The following WTAP variants were observed in gnomAD, a reference collection of about 807,000 sequenced individuals.
WTAP encodes WT1 associated protein.
WTAP carries 8 observed loss-of-function variants against 50.0 expected under a neutral mutation model. The observed-to-expected ratio is 0.16, with a 90% CI of 0.09 to 0.29. WTAP has a LOEUF of 0.29. Ranked by LOEUF, WTAP falls within the 10% of genes least tolerant of loss-of-function variation. WTAP has a pLI of 1.00. For missense variants in WTAP, 295 were observed against 470.7 expected (o/e 0.63, Z 3.45); for synonymous variants, 194 against 169.0 (o/e 1.15, Z -1.15).
chr6:159,737,455 G>C (rs1488976645), intron 2 of WTAP, among the ~76,000 whole-genome samples: 1 of 151,980 alleles, frequency 6.6e-6, no homozygotes, highest in East Asian at 1.9e-4. Context: ...AAAAATTTAA[G>C]TGTCTTGTAA....
chr6:159,730,696 G>T (rs1434090313), intron 1 of WTAP, among the ~76,000 whole-genome samples: 2 of 152,150 alleles, frequency 1.3e-5, no homozygotes, highest in African/African-American at 4.8e-5. Flanking sequence ...AAATACTGAG[G>T]CTCTGAATTT....
intron 3 of WTAP, 61 bp from the exon 4 acceptor site, chr6:159,742,027 T>G (rs535964715): frequency 1.7e-6 from 2 of 1,173,184 alleles, no homozygotes; most frequent in South Asian, 2.7e-5. Context: ...ATAGATATCT[T>G]CTAGTTTATT....
intron 1 of WTAP, among the ~76,000 whole-genome samples, chr6:159,728,114 C>T (rs936124804): frequency 5.9e-5 from 9 of 152,270 alleles, no homozygotes; most frequent in African/African-American, 1.4e-4. Context: ...AACATTCGTT[C>T]CCTACATTTC....
At chr6:159,734,326 G>C (rs536699915) in intron 1 of WTAP, among the ~76,000 whole-genome samples, 1 of 148,604 alleles carries the variant, frequency 6.7e-6, no homozygotes, top group Non-Finnish European at 1.5e-5. Flanking sequence ...AGTAGCTTTC[G>C]AGATGATGCC....
rs996278693 is a variant in WTAP at position 159,742,164 on chromosome 6, C to A, written c.145+18C>A. On this transcript the variant is annotated intron_variant, in intron 4 of 7. Coordinates refer to ENST00000621533, the MANE Select transcript of WTAP (RefSeq NM_001270531.2). ...TCTTAACTGTAAGTTTGAGTTTTAG[C>A]TTCCTAAAGACTGAATAATCTCCTT... 2 of 1,585,110 alleles carry A rather than the reference C, an allele frequency of 1.3e-6. No individual in the cohort carries two copies. The highest frequency in any genetic ancestry group is 2.7e-5 in the African/African-American group (2 of 73,572).
At chr6:159,749,138 A>G in intron 6 of WTAP, 1 of 986,084 alleles carries the variant, frequency 1.0e-6, no homozygotes, top group African/African-American at 1.7e-5. Context: ...AGATAATCTT[A>G]CTGAGGACTG....
At chr6:159,727,258 C>G (rs1305580735), upstream of WTAP, 1 of 1,283,544 alleles carries the variant, frequency 7.8e-7, no homozygotes, top group Non-Finnish European at 1.0e-6. Context: ...CGGCCTCCCT[C>G]CCTTCACCTT....
chr6:159,755,289 C>T lies in WTAP; in HGVS notation c.869C>T (p.Ser290Phe), dbSNP rs1779960043. 6.2e-7 allele frequency: 1 copy of T among 1,614,094 alleles called. No individual in the cohort carries two copies. The highest frequency in any genetic ancestry group is 1.1e-5 in the South Asian group (1 of 91,086). The part of the protein sequence containing the change: ...GSSSRQRTSG[S>F]GFHREGNTTE... ...TCCTCCCGCCAGAGGACGTCTGGGT[C>T]TGGATTTCACAGGGAGGGCAACACA... Residue 290 changes from serine (S) to phenylalanine (F), a missense_variant, in exon 8 of 8, where the codon TCT becomes TTT. Ser to Phe is a radical substitution (Grantham distance 155). Coordinates refer to ENST00000621533, the MANE Select transcript of WTAP (RefSeq NM_001270531.2).
chr6:159,745,825 C>G (rs1779543418), intron 5 of WTAP, among the ~76,000 whole-genome samples: 1 of 152,116 alleles, frequency 6.6e-6, no homozygotes, highest in Admixed American at 6.5e-5. Context: ...AGATGAAATA[C>G]ATGAAGCCAC....
chr6:159,735,758 A>T (rs114957551), intron 1 of WTAP, among the ~76,000 whole-genome samples: 9,393 of 152,176 alleles, frequency 0.062, 582 homozygotes, highest in African/African-American at 0.15. Context: ...CAAAAAAAAT[A>T]AAAATAAAAT....
chr6:159,755,425 G>T lies in WTAP; in HGVS notation c.1005G>T (p.Gly335=), dbSNP rs148398445. Residue 335 remains glycine, a synonymous_variant, in exon 8 of 8, where the codon GGG becomes GGT. Coordinates refer to ENST00000621533, the MANE Select transcript of WTAP (RefSeq NM_001270531.2). ...GSGYVNQLSA[G]YESVDSPTGS... ...GTTACGTAAATCAACTCAGTGCGGG[G>T]TATGAAAGTGTAGACTCTCCCACGG... 4.8e-5 allele frequency: 77 copies of T among 1,614,054 alleles called. No individual in the cohort carries two copies. The highest frequency in any genetic ancestry group is 4.3e-4 in the African/African-American group (32 of 74,894).
chr6:159,750,114 TCTCA>T (rs1562465968), intron 6 of WTAP, among the ~76,000 whole-genome samples: 3 of 152,356 alleles, frequency 2.0e-5, no homozygotes, highest in Admixed American at 2.0e-4. Flanking sequence ...CTTCTAAAAT[TCTCA>T]CTATTTGTGA....
At position 159,755,438 on chromosome 6, in the gene WTAP, G is replaced by T; in HGVS notation, c.1018G>T (p.Asp340Tyr). ...ACTCAGTGCGGGGTATGAAAGTGTA[G>T]ACTCTCCCACGGGCAGTGAAAACTC... ...NQLSAGYESV[D>Y]SPTGSENSLT... Residue 340 changes from aspartate (D) to tyrosine (Y), a missense_variant, in exon 8 of 8, where the codon GAC becomes TAC. Coordinates refer to ENST00000621533, the MANE Select transcript of WTAP (RefSeq NM_001270531.2). 6.2e-7 allele frequency: 1 copy of T among 1,614,130 alleles called. No homozygotes were observed. The highest frequency in any genetic ancestry group is 8.5e-7 in the Non-Finnish European group (1 of 1,180,022).
rs1439950797 is a variant in WTAP at position 159,743,705 on chromosome 6, A to G, written c.186A>G (p.Leu62=). 8.1e-6 allele frequency: 13 copies of G among 1,613,428 alleles called. No individual in the cohort carries two copies. The highest frequency in any genetic ancestry group is 1.1e-5 in the Non-Finnish European group (13 of 1,179,668). Residue 62 remains leucine (L), a synonymous_variant, in exon 5 of 8, where the codon CTA becomes CTG. Coordinates refer to ENST00000621533, the MANE Select transcript of WTAP (RefSeq NM_001270531.2). ...GCCTAAGAGAGTCTGAAGAAAAACT[A>G]AAGCAACAACAGCAGGAGTCTGCAC... ...VTGLRESEEK[L]KQQQQESARR...
intron 6 of WTAP, 130 bp from the exon 7 acceptor site, chr6:159,753,330 G>A: frequency 1.6e-6 from 2 of 1,264,582 alleles, no homozygotes; most frequent in Admixed American, 2.2e-5. Context: ...AAAAGAAGAT[G>A]GTAATTATGG....
chr6:159,726,847 C>T, upstream of WTAP: 1 of 1,289,234 alleles, frequency 7.8e-7, no homozygotes, highest in Non-Finnish European at 1.0e-6. Context: ...GTTCTCAAAA[C>T]TTACAGGTGA....
At position 159,755,760 on chromosome 6, in the gene WTAP, CTTTTCTTT is replaced by C; in HGVS notation, c.*154_*161del. 1.4e-5 allele frequency: 4 copies of C among 281,888 alleles called. No homozygotes were observed. Among genetic ancestry groups the C allele is most frequent in the African/African-American group, 5.3e-5 (1 of 18,880 alleles). The allele number at this position is 281,888 out of a possible 1,614,324, so 17.5% of individuals were successfully genotyped here. On this transcript the variant is annotated 3_prime_UTR_variant, in exon 8 of 8. Coordinates refer to ENST00000621533, the MANE Select transcript of WTAP (RefSeq NM_001270531.2). ...TGTTTTTTTTCTTTGTTTTTTTTTT[CTTTTCTTT>C]TTTTTTTTTTTTTTTTTTTTTTGCT...
intron 1 of WTAP, among the ~76,000 whole-genome samples, chr6:159,731,467 C>CA (rs1262700405): frequency 6.6e-6 from 1 of 151,646 alleles, no homozygotes; most frequent in Non-Finnish European, 1.5e-5. Flanking sequence ...GACTCTGTCT[C>CA]AAAAAAAGAG....
intron 5 of WTAP, among the ~76,000 whole-genome samples, chr6:159,745,413 A>G (rs557990796): frequency 1.1e-3 from 173 of 151,704 alleles, no homozygotes; most frequent in Non-Finnish European, 2.2e-3. Context: ...TATTTCAACT[A>G]TAATGGAACC....
Sources: gnomAD v4.1 joint callset for allele counts (sites outside exome capture counted in the v4.1 genomes callset) on GRCh38, gnomAD v4.1.1 for gene constraint, MANE v1.5 for transcripts, NCBI Gene and HGNC (gene_info 2026-07-23, HGNC 2026-07-21) for gene names.